PDCD6IP: variants seen among roughly 807,000 people sequenced by gnomAD.
The protein encoded by PDCD6IP is programmed cell death 6 interacting protein, also known as programmed cell death 6-interacting protein.
Under a neutral mutation model 103.7 loss-of-function variants are expected in PDCD6IP, and 43 were observed. The ratio of observed to expected loss-of-function variants is 0.41; its 90% confidence interval spans 0.32 to 0.53. The LOEUF is 0.53. Among genes scored for constraint, PDCD6IP ranks in the 20% least tolerant of loss-of-function variants. The pLI is 0.16. For synonymous variants in PDCD6IP, 354 were observed against 378.7 expected (o/e 0.93, Z 0.76); for missense variants, 871 against 1,036.7 (o/e 0.84, Z 2.20).
At chr3:33,829,074 C>G in intron 7 of PDCD6IP, 105 bp downstream of exon 7, 1 of 779,178 alleles carries the variant, frequency 1.3e-6, no homozygotes, top group Non-Finnish European at 1.9e-6. Flanking sequence ...CGTTCATCAC[C>G]CCTATCAGCA....
intron 6 of PDCD6IP, 131 bp downstream of exon 6, chr3:33,826,711 A>G (rs538339991): frequency 1.5e-6 from 2 of 1,358,444 alleles, no homozygotes; most frequent in South Asian, 1.5e-5. Flanking sequence ...AGTATATAGT[A>G]GAAATAGTTT....
chr3:33,863,387 A>G (rs1697995007), intron 15 of PDCD6IP, among the ~76,000 whole-genome samples: 1 of 152,096 alleles, frequency 6.6e-6, no homozygotes, highest in African/African-American at 2.4e-5. Flanking sequence ...ATTCTCTCTG[A>G]CTGTATTTTT....
intron 8 of PDCD6IP, among the ~76,000 whole-genome samples, chr3:33,836,961 G>T (rs963314794): frequency 2.9e-4 from 44 of 149,640 alleles, no homozygotes; most frequent in Admixed American, 2.9e-3. Context: ...CGCTCTTGTT[G>T]CCCAGGCTGG....
At chr3:33,825,014 A>G (rs1028274447) in intron 4 of PDCD6IP, among the ~76,000 whole-genome samples, 173 bp from the exon 5 acceptor site, 1 of 152,224 alleles carries the variant, frequency 6.6e-6, no homozygotes, top group African/African-American at 2.4e-5. Context: ...AGAGTTTTAG[A>G]AAGATAACCT....
At position 33,867,995 on chromosome 3, in the gene PDCD6IP, A is replaced by G. The variant is rs1698104258; in HGVS notation, c.*1470A>G. On this transcript the variant is annotated 3_prime_UTR_variant, in exon 18 of 18. Coordinates refer to ENST00000307296, the MANE Select transcript of PDCD6IP (RefSeq NM_013374.6). ...GTTTAAAAATATATGTATATTTTAAACTTTGTTGTGTGTAGGAAACATGAA... is the reference window on the plus strand; with the variant it reads ...GTTTAAAAATATATGTATATTTTAAGCTTTGTTGTGTGTAGGAAACATGAA... 1 of 152,192 alleles carries G rather than the reference A, an allele frequency of 6.6e-6. No individual in the cohort carries two copies. The highest frequency in any genetic ancestry group is 1.5e-5 in the Non-Finnish European group (1 of 68,028). The allele number at this position is 152,192 out of a possible 1,614,324, so 9.4% of individuals were successfully genotyped here.
intron 8 of PDCD6IP, among the ~76,000 whole-genome samples, chr3:33,837,386 G>A (rs113741633): frequency 4.6e-5 from 7 of 152,288 alleles, no homozygotes; most frequent in African/African-American, 1.7e-4. Flanking sequence ...AACACAAAGT[G>A]TTTACCATGT....
chr3:33,854,790 A>AGGGTTTCTGAAGTATGCTT (rs1199203967), intron 14 of PDCD6IP: 1 of 154,172 alleles, frequency 6.5e-6, no homozygotes, highest in Non-Finnish European at 1.4e-5. Context: ...AATTCTTTTA[A>AGGGTTTCTGAAGTATGCTT]GGGTTTCTGA....
At chr3:33,799,556 AGTTT>A (rs934310164) in intron 1 of PDCD6IP, 7 of 152,296 alleles carry the variant, frequency 4.6e-5, no homozygotes, top group Non-Finnish European at 8.8e-5. Flanking sequence ...GTTTAAAAGC[AGTTT>A]GTTCACAAAC....
At chr3:33,855,078 A>G (rs1697797576) in intron 14 of PDCD6IP, 88 bp from the exon 15 acceptor site, 7 of 770,228 alleles carry the variant, frequency 9.1e-6, no homozygotes, top group Admixed American at 4.0e-5. Flanking sequence ...GGCTCTAACT[A>G]TCATTGACAA....
intron 16 of PDCD6IP, among the ~76,000 whole-genome samples, chr3:33,864,820 T>C (rs1301499393): frequency 1.3e-5 from 2 of 152,254 alleles, no homozygotes; most frequent in Non-Finnish European, 2.9e-5. Context: ...AAAGCAGAAA[T>C]GACAAATGTT....
At chr3:33,811,271 T>C (rs528397712) in intron 1 of PDCD6IP, 1 of 176,160 alleles carries the variant, frequency 5.7e-6, no homozygotes, top group African/African-American at 2.4e-5. Flanking sequence ...TTTTCCTGTT[T>C]ATAACCAAAC....
At chr3:33,799,031 G>C in intron 1 of PDCD6IP, 94 bp downstream of exon 1, 2 of 1,217,024 alleles carry the variant, frequency 1.6e-6, no homozygotes, top group Non-Finnish European at 2.2e-6. Context: ...CTGTAACCTG[G>C]GCGGAGCCGC....
chr3:33,835,330 TTC>T (rs1697323288), intron 7 of PDCD6IP: 2 of 456,732 alleles, frequency 4.4e-6, no homozygotes. Context: ...TGCATCTCAA[TTC>T]TCTGTGTTGT....
At position 33,806,850 on chromosome 3, in the gene PDCD6IP, G is replaced by A. The variant is rs114033846; in HGVS notation, c.210-5222G>A. On this transcript the variant is annotated intron_variant, in intron 1 of 17. Transcript: ENST00000307296. ...TATGGTAGTTGGATCTCCTGGAACA[G>A]ATTTTGCTCATGGTAACTGCAGTTA... Among the ~76,000 whole-genome samples the A allele has an allele frequency of 3.1e-3, 474 of 152,342 alleles. 3 individuals are homozygous for A. The highest frequency in any genetic ancestry group is 0.011 in the African/African-American group (446 of 41,572).
intron 10 of PDCD6IP, among the ~76,000 whole-genome samples, chr3:33,842,513 C>G (rs570228762): frequency 7.7e-4 from 116 of 151,386 alleles, no homozygotes; most frequent in African/African-American, 2.6e-3. Flanking sequence ...TATTATTTAT[C>G]TTATAATTCC....
chr3:33,830,219 AAGTC>A (rs1247979161), intron 7 of PDCD6IP, among the ~76,000 whole-genome samples: 3 of 152,194 alleles, frequency 2.0e-5, no homozygotes, highest in African/African-American at 7.2e-5. Context: ...CTTTTTAAAA[AAGTC>A]AGACCCAGAT....
At chr3:33,852,962 C>A (rs1363178970) in intron 13 of PDCD6IP, among the ~76,000 whole-genome samples, 2 of 141,818 alleles carry the variant, frequency 1.4e-5, no homozygotes, top group African/African-American at 5.2e-5. Context: ...CTCTCTCTGT[C>A]GCCCAGGCTG....
chr3:33,815,803 T>C (rs1266126783), intron 3 of PDCD6IP, among the ~76,000 whole-genome samples: 1 of 152,244 alleles, frequency 6.6e-6, no homozygotes, highest in African/African-American at 2.4e-5. Flanking sequence ...GGGTAGACAT[T>C]TCTCTGGCAT....
intron 1 of PDCD6IP, among the ~76,000 whole-genome samples, chr3:33,800,505 C>T (rs1034158835): frequency 6.6e-5 from 10 of 152,090 alleles, no homozygotes; most frequent in African/African-American, 2.4e-4. Flanking sequence ...GTTGGTTCTC[C>T]GAAGGAAGGG....
Sources: allele counts gnomAD v4.1 joint callset (sites outside exome capture counted in the v4.1 genomes callset), GRCh38; gene constraint gnomAD v4.1.1; transcripts MANE v1.5; gene names NCBI Gene and HGNC (gene_info 2026-07-23, HGNC 2026-07-21).